The following GNAI1 variants were observed in gnomAD, a reference collection of about 807,000 sequenced individuals.
GNAI1 encodes guanine nucleotide-binding protein G(i) subunit alpha-1.
Under a neutral mutation model 38.9 loss-of-function variants are expected in GNAI1, and 11 were observed. The ratio of observed to expected loss-of-function variants is 0.28; its 90% CI spans 0.18 to 0.47. GNAI1 has a LOEUF of 0.47. GNAI1 is among the 20% of genes least tolerant of loss of function. GNAI1 has a pLI of 0.99. For missense variants in GNAI1, 317 were observed against 436.9 expected (o/e 0.73, Z 2.45); for synonymous variants, 166 against 145.1 (o/e 1.14, Z -1.04).
chr7:80,178,199 G>A (rs1788225258), intron 1 of GNAI1, among the ~76,000 whole-genome samples: 1 of 152,154 alleles, frequency 6.6e-6, no homozygotes, highest in Non-Finnish European at 1.5e-5. Context: ...AAGAGGAATT[G>A]CTTCTTGTAG....
At chr7:80,135,389 G>C in intron 1 of GNAI1, 111 bp downstream of exon 1, 1 of 574,250 alleles carries the variant, frequency 1.7e-6, no homozygotes, top group Non-Finnish European at 2.7e-6. Context: ...GCCCGAGGAG[G>C]CTTCTGAGCG....
chr7:80,210,095 T>A (rs1180104679), intron 5 of GNAI1, among the ~76,000 whole-genome samples: 1 of 152,224 alleles, frequency 6.6e-6, no homozygotes, highest in Non-Finnish European at 1.5e-5. Flanking sequence ...AAATGGAGCC[T>A]TTAAAAATGT....
rs1789002139 is a variant in GNAI1, at chr7:80,217,977, A to C, written c.*484A>C. Reference sequence around the variant, plus strand: ...TAAGTACAGTAATTAATATTAGGAAACATTACAGCCCTTATCTAGATTATA... The same window carrying C: ...TAAGTACAGTAATTAATATTAGGAACCATTACAGCCCTTATCTAGATTATA... On this transcript the variant is annotated 3_prime_UTR_variant, in exon 8 of 8. Coordinates refer to ENST00000649796, the MANE Select transcript of GNAI1 (RefSeq NM_002069.6). The C allele has an allele frequency of 6.6e-6, 1 of 152,562 alleles. No individual in the cohort carries two copies. The highest frequency in any genetic ancestry group is 2.4e-5 in the African/African-American group (1 of 41,448). 9.5% of individuals were successfully genotyped at this position (152,562 alleles called of 1,614,324 possible). A position where few individuals can be genotyped will look rare whatever the true frequency, so the allele number is the denominator to read the frequency against.
intron 5 of GNAI1, among the ~76,000 whole-genome samples, chr7:80,210,640 T>C (rs774139892): frequency 6.6e-6 from 1 of 152,158 alleles, no homozygotes; most frequent in Non-Finnish European, 1.5e-5. Flanking sequence ...TTACACATAG[T>C]GCAGTCCATT....
intron 1 of GNAI1, chr7:80,135,551 C>T (rs1171803150): frequency 2.8e-5 from 10 of 362,262 alleles, no homozygotes; most frequent in African/African-American, 1.9e-4. Context: ...AGCCCAGGCG[C>T]GAGTCCGAGG....
chr7:80,202,646 G>C (rs1273097489), intron 4 of GNAI1, among the ~76,000 whole-genome samples: 1 of 152,096 alleles, frequency 6.6e-6, no homozygotes, highest in Non-Finnish European at 1.5e-5. Context: ...ATCTCTCTAT[G>C]TATTCTAGTA....
At chr7:80,137,494 A>G (rs981554740) in intron 1 of GNAI1, among the ~76,000 whole-genome samples, 1 of 150,366 alleles carries the variant, frequency 6.7e-6, no homozygotes, top group Non-Finnish European at 1.5e-5. Context: ...CTAATTTTGT[A>G]TTTTTAGTAG....
chr7:80,142,234 C>T (rs541203080), intron 1 of GNAI1, among the ~76,000 whole-genome samples: 2 of 152,202 alleles, frequency 1.3e-5, no homozygotes, highest in South Asian at 2.1e-4. Context: ...TTATCTTCAT[C>T]AGTATCTTAT....
chr7:80,145,693 C>G (rs1443068454), intron 1 of GNAI1, among the ~76,000 whole-genome samples: 2 of 152,016 alleles, frequency 1.3e-5, no homozygotes, highest in Non-Finnish European at 2.9e-5. Context: ...GTCTGAAAAA[C>G]GATTTTTGAA....
intron 1 of GNAI1, among the ~76,000 whole-genome samples, chr7:80,172,402 A>G (rs1341877588): frequency 6.6e-6 from 1 of 152,220 alleles, no homozygotes; most frequent in Non-Finnish European, 1.5e-5. Flanking sequence ...CCTTTGTCTC[A>G]TGGGATCAGA....
At chr7:80,205,861 A>G (rs895308514) in intron 5 of GNAI1, among the ~76,000 whole-genome samples, 2 of 152,124 alleles carry the variant, frequency 1.3e-5, no homozygotes, top group Non-Finnish European at 2.9e-5. Flanking sequence ...TAAAAATTGT[A>G]TGATTCAACA....
intron 7 of GNAI1, among the ~76,000 whole-genome samples, chr7:80,215,383 G>A (rs1788941840): frequency 1.3e-5 from 2 of 152,172 alleles, no homozygotes; most frequent in Admixed American, 6.5e-5. Context: ...CCAACAAGAT[G>A]CTGTTGATTG....
chr7:80,193,786 T>G (rs1788521512), intron 3 of GNAI1, among the ~76,000 whole-genome samples: 1 of 152,218 alleles, frequency 6.6e-6, no homozygotes, highest in Admixed American at 6.6e-5. Context: ...ATTTATATTT[T>G]GTGTGTCATT....
rs1471892295 is a variant in GNAI1, at chr7:80,221,707, A to G, written c.*4214A>G. 7.2e-6 allele frequency among the ~76,000 whole-genome samples: 1 copy of G among 138,204 alleles called. No individual in the cohort carries two copies. Among genetic ancestry groups the G allele is most frequent in the East Asian group, 2.2e-4 (1 of 4,638 alleles). 90.7% of individuals were successfully genotyped at this position (138,204 alleles called of 152,430 possible). A position where few individuals can be genotyped will look rare whatever the true frequency, so the allele number is the denominator to read the frequency against. ...CACCAGGCTGGAGTGCAGTCGTGCA[A>G]TCTCCACTCTCTGCAACCTCCAACT... is the stretch of plus-strand genomic sequence containing the variant. On this transcript the variant is annotated 3_prime_UTR_variant, in exon 8 of 8. Coordinates refer to ENST00000649796, the MANE Select transcript of GNAI1 (RefSeq NM_002069.6).
At chr7:80,179,706 G>C (rs1002885386) in intron 1 of GNAI1, among the ~76,000 whole-genome samples, 2 of 152,130 alleles carry the variant, frequency 1.3e-5, no homozygotes, top group African/African-American at 4.8e-5. Context: ...CTGGGTTAGA[G>C]ACAAAAAGTT....
intron 5 of GNAI1, among the ~76,000 whole-genome samples, chr7:80,204,795 T>A (rs1788745235): frequency 1.3e-5 from 2 of 152,134 alleles, no homozygotes; most frequent in South Asian, 4.1e-4. Flanking sequence ...AAAAAAGAAA[T>A]TATGTAGCCT....
intron 1 of GNAI1, among the ~76,000 whole-genome samples, chr7:80,168,457 G>A (rs1788048325): frequency 1.3e-5 from 2 of 151,826 alleles, no homozygotes; most frequent in South Asian, 2.1e-4. Context: ...GCACGATCTC[G>A]GCTCACTGCA....
chr7:80,145,718 G>C (rs1325969685), intron 1 of GNAI1, among the ~76,000 whole-genome samples: 3 of 152,100 alleles, frequency 2.0e-5, no homozygotes, highest in Non-Finnish European at 4.4e-5. Flanking sequence ...TTGAGCTTCA[G>C]CTATTTATGG....
chr7:80,203,703 G>A lies in GNAI1; in HGVS notation c.462-1G>A. The A allele has an allele frequency of 6.4e-7, 1 of 1,565,354 alleles. No homozygotes were observed. The highest frequency in any genetic ancestry group is 8.7e-7 in the Non-Finnish European group (1 of 1,148,760). On this transcript the variant is annotated splice_acceptor_variant, in intron 4 of 7. Coordinates refer to ENST00000649796, the MANE Select transcript of GNAI1 (RefSeq NM_002069.6). LOFTEE classifies it high-confidence loss of function. ...ATGTTGTTTTGTTTAATTTTTTTCAGCTATTTGAATGACTTGGACAGAATA... is the reference window on the plus strand; with the variant it reads ...ATGTTGTTTTGTTTAATTTTTTTCAACTATTTGAATGACTTGGACAGAATA...
Sources: allele counts gnomAD v4.1 joint callset (sites outside exome capture counted in the v4.1 genomes callset), GRCh38; gene constraint gnomAD v4.1.1; transcripts MANE v1.5; gene names NCBI Gene and HGNC (gene_info 2026-07-23, HGNC 2026-07-21).